The following PCDH11X variants were observed in gnomAD, a reference collection of about 807,000 sequenced individuals.
PCDH11X encodes the protein protocadherin 11 X-linked, also known as protocadherin-11 X-linked.
PCDH11X carries 18 observed loss-of-function variants against 53.3 expected under a neutral mutation model. The ratio of observed to expected loss-of-function variants is 0.34; its 90% CI spans 0.23 to 0.50. The LOEUF is 0.50. Ranked by LOEUF, PCDH11X falls within the 20% of genes least tolerant of loss-of-function variation. PCDH11X has a pLI of 0.98. For missense variants in PCDH11X, 570 were observed against 1,032.4 expected (o/e 0.55, Z 6.14); for synonymous variants, 279 against 393.3 (o/e 0.71, Z 3.44).
At chrX:92,142,027 A>C (rs2065188071) in intron 6 of PCDH11X, among the ~76,000 whole-genome samples, 1 of 111,631 alleles carries the variant, frequency 9.0e-6, no homozygotes, top group Non-Finnish European at 1.9e-5. Flanking sequence ...CTTAATGTAC[A>C]TTGTATAAAT....
intron 7 of PCDH11X, among the ~76,000 whole-genome samples, chrX:92,203,193 A>G (rs1410153752): frequency 8.9e-6 from 1 of 112,442 alleles, no homozygotes; most frequent in African/African-American, 3.2e-5. Flanking sequence ...TTTATTTGTT[A>G]TAGGATAAAT....
chrX:91,848,204 G>GTT (rs71233611), intron 5 of PCDH11X, among the ~76,000 whole-genome samples: 44 of 100,711 alleles, frequency 4.4e-4, no homozygotes, highest in Admixed American at 5.4e-4. Context: ...TTTTTTTTTT[G>GTT]TTTTTTTTTT....
intron 6 of PCDH11X, among the ~76,000 whole-genome samples, chrX:91,915,523 G>A (rs1271333247): frequency 2.7e-5 from 3 of 110,571 alleles, no homozygotes; most frequent in East Asian, 2.9e-4. Flanking sequence ...GAAACCAAAA[G>A]CAACTAGGAG....
intron 9 of PCDH11X, among the ~76,000 whole-genome samples, chrX:92,414,933 T>C (rs916154311): frequency 3.3e-4 from 36 of 110,610 alleles, no homozygotes; most frequent in Non-Finnish European, 6.3e-4. Flanking sequence ...TTTCAGAAGG[T>C]AATTATATTC....
intron 6 of PCDH11X, among the ~76,000 whole-genome samples, chrX:92,123,924 A>G (rs2064816532): frequency 9.2e-6 from 1 of 108,274 alleles, no homozygotes; most frequent in African/African-American, 3.4e-5. Flanking sequence ...CTCCTTGCTT[A>G]CTATATATTC....
chrX:92,057,405 CTG>C (rs2063465315), intron 6 of PCDH11X, among the ~76,000 whole-genome samples: 1 of 106,650 alleles, frequency 9.4e-6, no homozygotes, highest in Non-Finnish European at 1.9e-5. Context: ...ATCAAAAACA[CTG>C]TAGTCCGTCT....
chrX:92,438,592 G>A (rs1263803258), intron 9 of PCDH11X, among the ~76,000 whole-genome samples: 1 of 110,734 alleles, frequency 9.0e-6, no homozygotes, highest in Non-Finnish European at 1.9e-5. Flanking sequence ...CCTGAAGCAG[G>A]TCATAAGACA....
chrX:92,491,404 A>G (rs984772547), intron 10 of PCDH11X, among the ~76,000 whole-genome samples: 2 of 110,191 alleles, frequency 1.8e-5, no homozygotes, highest in Non-Finnish European at 3.8e-5. Context: ...TGGCTTGTTG[A>G]TATCTTGTAT....
chrX:92,049,059 C>A (rs1212121662), intron 6 of PCDH11X, among the ~76,000 whole-genome samples: 1 of 110,672 alleles, frequency 9.0e-6, no homozygotes, highest in Non-Finnish European at 1.9e-5. Flanking sequence ...GTGGAGACCA[C>A]GTTTTACAGT....
chrX:92,546,386 A>T (rs2074855205), intron 10 of PCDH11X, among the ~76,000 whole-genome samples: 1 of 111,840 alleles, frequency 8.9e-6, no homozygotes, highest in Non-Finnish European at 1.9e-5. Flanking sequence ...AAATAATGTT[A>T]TCTTCCATCG....
At chrX:92,318,944 A>G (rs772185018) in intron 8 of PCDH11X, among the ~76,000 whole-genome samples, 4 of 112,100 alleles carry the variant, frequency 3.6e-5, no homozygotes, top group African/African-American at 9.7e-5. Flanking sequence ...TGTTTAAACT[A>G]ACTATGACTG....
chrX:92,537,733 T>G (rs2074690030), intron 10 of PCDH11X, among the ~76,000 whole-genome samples: 1 of 103,283 alleles, frequency 9.7e-6, no homozygotes, highest in East Asian at 3.0e-4. Flanking sequence ...ACAGTGAACT[T>G]ATTTTTGACA....
At chrX:91,951,277 C>T (rs2061638233) in intron 6 of PCDH11X, among the ~76,000 whole-genome samples, 1 of 110,234 alleles carries the variant, frequency 9.1e-6, no homozygotes, top group African/African-American at 3.3e-5. Context: ...ATATTTGAAA[C>T]ACTTTATTAC....
chrX:92,572,828 G>T (rs765273205), intron 10 of PCDH11X, among the ~76,000 whole-genome samples: 33 of 100,879 alleles, frequency 3.3e-4, no homozygotes, highest in South Asian at 8.3e-4. Flanking sequence ...AGGTTTCAAT[G>T]AGCCGAGATC....
At chrX:91,943,395 A>G (rs1467795168) in intron 6 of PCDH11X, among the ~76,000 whole-genome samples, 1 of 110,594 alleles carries the variant, frequency 9.0e-6, no homozygotes, top group African/African-American at 3.3e-5. Context: ...CTTCCTCTCA[A>G]TTTTGCTGTG....
chrX:92,176,710 G>A (rs1039724077), intron 6 of PCDH11X, among the ~76,000 whole-genome samples: 1 of 111,365 alleles, frequency 9.0e-6, no homozygotes, highest in African/African-American at 3.3e-5. Context: ...TTAAGACCAA[G>A]CTCATCTAGC....
chrX:92,257,727 T>C (rs1051881435), intron 7 of PCDH11X, among the ~76,000 whole-genome samples: 4 of 112,772 alleles, frequency 3.5e-5, no homozygotes, highest in Non-Finnish European at 7.5e-5. Flanking sequence ...CAGGAAATAC[T>C]GGTGCAAACG....
At chrX:91,819,234 A>G (rs1936552185) in intron 4 of PCDH11X, among the ~76,000 whole-genome samples, 2 of 108,609 alleles carry the variant, frequency 1.8e-5, no homozygotes, top group African/African-American at 3.4e-5. Context: ...TCATTTCTTA[A>G]TGAGTTGGAG....
intron 10 of PCDH11X, among the ~76,000 whole-genome samples, chrX:92,552,994 CGTGTGTGTGTGTGT>C (rs57655496): frequency 9.0e-5 from 8 of 88,898 alleles, no homozygotes; most frequent in Admixed American, 2.5e-4. Flanking sequence ...CTGCAATTTT[CGTGTGTGTGTGTGT>C]GTGTGTGTGT....
Sources: allele counts gnomAD v4.1 joint callset (sites outside exome capture counted in the v4.1 genomes callset), GRCh38; gene constraint gnomAD v4.1.1; transcripts MANE v1.5; gene names NCBI Gene and HGNC (gene_info 2026-07-23, HGNC 2026-07-21).